Variants in DDX31 observed in about 807,000 individuals in gnomAD.
The protein encoded by DDX31 is DEAD-box helicase 31, also known as ATP-dependent DNA helicase DDX31.
A neutral mutation model predicts 91.3 loss-of-function variants in DDX31; 70 were observed. The ratio of observed to expected loss-of-function variants is 0.77; its 90% CI spans 0.63 to 0.94. The LOEUF (loss-of-function observed/expected upper bound fraction) is 0.94. Among genes scored for constraint, DDX31 ranks in the 40% least tolerant of loss-of-function variants. The pLI is 0.00. For missense variants in DDX31, 902 were observed against 925.0 expected (o/e 0.98, Z 0.32); for synonymous variants, 362 against 350.6 (o/e 1.03, Z -0.36).
chr9:132,641,914 G>C, intron 14 of DDX31, 90 bp downstream of exon 14: 1 of 1,385,640 alleles, frequency 7.2e-7, no homozygotes, highest in East Asian at 2.3e-5. Flanking sequence ...CTGTAGGACT[G>C]ACCACAGGAC....
chr9:132,652,434 G>A lies in DDX31; in HGVS notation c.633+14C>T. 1 of 1,614,122 alleles carries A rather than the reference G, an allele frequency of 6.2e-7. No individual in the cohort carries two copies. The highest frequency in any genetic ancestry group is 2.2e-5 in the East Asian group (1 of 44,880). Reference sequence around the variant, plus strand: ...CATGTGCTTAAAACTTGTCCCAAAAGGGAGCCTGCTTACCTCTCTCGTTGG... The same window carrying A: ...CATGTGCTTAAAACTTGTCCCAAAAAGGAGCCTGCTTACCTCTCTCGTTGG... On this transcript the variant is annotated intron_variant, in intron 7 of 19. Transcript: ENST00000372159.
At chr9:132,615,400 C>T (rs10736856) in intron 18 of DDX31, among the ~76,000 whole-genome samples, 107,736 of 151,952 alleles carry the variant, frequency 0.71, 38,556 homozygotes, top group African/African-American at 0.81. Context: ...TAAAGGCACA[C>T]GCATCTTCAA....
In DDX31 at chr9:132,662,303, A is replaced by G; in HGVS notation, c.366T>C (p.Phe122=). Reference sequence around the variant, plus strand: ...CCAGCTCATGAAAAGCAGCTGAAGTAAACACTTTTTCTTGCACCTGCTTTA... The same window carrying G: ...CCAGCTCATGAAAAGCAGCTGAAGTGAACACTTTTTCTTGCACCTGCTTTA... ...PVVKQVQEKV[F]TSAAFHELGL... Residue 122 remains phenylalanine, a synonymous_variant, in exon 3 of 20, where the codon TTT becomes TTC. Coordinates refer to ENST00000372159, the MANE Select transcript of DDX31 (RefSeq NM_022779.9). The G allele has an allele frequency of 1.9e-6, 3 of 1,614,246 alleles. No individual in the cohort carries two copies. The highest frequency in any genetic ancestry group is 2.5e-6 in the Non-Finnish European group (3 of 1,180,046).
intron 19 of DDX31, among the ~76,000 whole-genome samples, chr9:132,604,911 C>T (rs1389348572): frequency 1.3e-5 from 2 of 152,128 alleles, no homozygotes; most frequent in Non-Finnish European, 2.9e-5. Flanking sequence ...TGGGCTGATC[C>T]CAGGCCTCCT....
chr9:132,624,217 A>G (rs1313262659), intron 17 of DDX31, among the ~76,000 whole-genome samples: 1 of 151,718 alleles, frequency 6.6e-6, no homozygotes, highest in Non-Finnish European at 1.5e-5. Flanking sequence ...AAGCCCCTTA[A>G]CTAGAATTTA....
intron 14 of DDX31, chr9:132,638,353 T>TGA (rs1833256773): frequency 6.2e-7 from 1 of 1,614,054 alleles, no homozygotes; most frequent in African/African-American, 1.3e-5. Flanking sequence ...TGGCTTAGGG[T>TGA]GAGTTCTTCA....
At chr9:132,656,999 A>G (rs1834610839) in intron 6 of DDX31, among the ~76,000 whole-genome samples, 1 of 152,226 alleles carries the variant, frequency 6.6e-6, no homozygotes, top group African/African-American at 2.4e-5. Flanking sequence ...AGAGAAAACC[A>G]ATGTTAACAG....
chr9:132,638,758 T>A (rs1307002144), intron 14 of DDX31, among the ~76,000 whole-genome samples: 1 of 152,164 alleles, frequency 6.6e-6, no homozygotes, highest in African/African-American at 2.4e-5. Context: ...AACACACACA[T>A]GCACCCTTAA....
Position 132,665,869 on chromosome 9 carries a change from T to C in DDX31, c.76-3174A>G, listed in dbSNP as rs149385675. On this transcript the variant is annotated intron_variant, in intron 1 of 19. Coordinates refer to ENST00000372159, the MANE Select transcript of DDX31 (RefSeq NM_022779.9). ...AGATGCAAACATGGAGGCAGAGATG[T>C]GACGTAATTTGTCCCAGAATCACTG... Among the ~76,000 whole-genome samples, 15 of 152,346 alleles carry C rather than the reference T, an allele frequency of 9.8e-5. No homozygotes were observed. The East Asian group carries it at 2.7e-3, about 27-fold the overall frequency.
chr9:132,597,039 G>C (rs966713470), intron 19 of DDX31, among the ~76,000 whole-genome samples: 42 of 152,164 alleles, frequency 2.8e-4, no homozygotes, highest in African/African-American at 8.0e-4. Context: ...GTAGCTGGTG[G>C]TTGGCATGTG....
chr9:132,651,159 CT>C (rs200786970), intron 7 of DDX31, 43 bp from the exon 8 acceptor site: 158,819 of 1,160,968 alleles, frequency 0.14, 1,464 homozygotes, highest in African/African-American at 0.29. Flanking sequence ...CAGGATCCCC[CT>C]TTTTTTTTTT....
chr9:132,608,571 C>T (rs1438752881), intron 19 of DDX31, among the ~76,000 whole-genome samples: 1 of 152,132 alleles, frequency 6.6e-6, no homozygotes, highest in Non-Finnish European at 1.5e-5. Context: ...ACAGGTGAGA[C>T]AGGCTTCTGT....
Position 132,656,100 on chromosome 9 carries a change from T to TA in DDX31, c.588+2570dup, listed in dbSNP as rs570594189. Reference sequence around the variant, plus strand: ...AAGTGAGGGAGGATGGATATGATGTTAAAAAAAAAATCAGAGCCAAAATAA... The same window carrying TA: ...AAGTGAGGGAGGATGGATATGATGTTAAAAAAAAAAATCAGAGCCAAAATAA... On this transcript the variant is annotated intron_variant, in intron 6 of 19. Transcript: ENST00000372159. Among the ~76,000 whole-genome samples, 487 of 149,678 alleles carry TA rather than the reference T, an allele frequency of 3.3e-3. 2 individuals are homozygous for TA. The highest frequency in any genetic ancestry group is 9.6e-3 in the African/African-American group (392 of 40,990).
intron 14 of DDX31, among the ~76,000 whole-genome samples, 198 bp from the exon 15 acceptor site, chr9:132,632,289 CACACACACAG>C (rs1564305983): frequency 8.9e-4 from 118 of 132,134 alleles, no homozygotes; most frequent in Middle Eastern, 3.9e-3. Flanking sequence ...CACACACACA[CACACACACAG>C]TCCTGCATAC....
chr9:132,632,239 TGTACACACACACAC>T (rs879050222), intron 14 of DDX31, 148 bp from the exon 15 acceptor site: 2,160 of 53,416 alleles, frequency 0.04, 295 homozygotes, highest in African/African-American at 0.057. Flanking sequence ...GCCCAGTACG[TGTACACACACACAC>T]ACACACACAC....
chr9:132,641,919 C>CAGGACAAACTGTCAAGAGACGAA (rs1833526413), intron 14 of DDX31, 85 bp downstream of exon 14: 1 of 1,450,510 alleles, frequency 6.9e-7, no homozygotes, highest in African/African-American at 1.4e-5. Context: ...GGACTGACCA[C>CAGGACAAACTGTCAAGAGACGAA]AGGACAAACT....
chr9:132,632,511 T>A (rs1832856784), intron 14 of DDX31, among the ~76,000 whole-genome samples: 1 of 152,050 alleles, frequency 6.6e-6, no homozygotes, highest in Non-Finnish European at 1.5e-5. Context: ...GTTTTATTGA[T>A]TTACATTTTA....
chr9:132,596,577 C>G (rs1283707096), intron 19 of DDX31, among the ~76,000 whole-genome samples: 4 of 152,190 alleles, frequency 2.6e-5, no homozygotes, highest in African/African-American at 9.7e-5. Flanking sequence ...CTCTTACAAT[C>G]CTCGCTCAAC....
chr9:132,664,316 A>G (rs1835170630), intron 1 of DDX31, among the ~76,000 whole-genome samples: 1 of 152,180 alleles, frequency 6.6e-6, no homozygotes, highest in South Asian at 2.1e-4. Flanking sequence ...ATCCTTTATC[A>G]TCTTGGTCAC....
Sources: allele counts gnomAD v4.1 joint callset (sites outside exome capture counted in the v4.1 genomes callset), GRCh38; gene constraint gnomAD v4.1.1; transcripts MANE v1.5; gene names NCBI Gene and HGNC (gene_info 2026-07-23, HGNC 2026-07-21).